FAM151B: variants seen among roughly 807,000 people sequenced by gnomAD.
FAM151B encodes the protein protein FAM151B.
A neutral mutation model predicts 31.2 loss-of-function variants in FAM151B; 24 were observed. The ratio of observed to expected loss-of-function variants is 0.77; its 90% confidence interval spans 0.56 to 1.08. The LOEUF (loss-of-function observed/expected upper bound fraction) is 1.08. Ranked by LOEUF, FAM151B falls within the 50% of genes least tolerant of loss-of-function variation. FAM151B has a pLI of 0.00. For synonymous variants in FAM151B, 105 were observed against 111.4 expected, an observed-to-expected ratio of 0.94 and a Z score of 0.36; for missense variants, 293 against 328.6, an observed-to-expected ratio of 0.89 and a Z score of 0.84.
intron 5 of FAM151B, among the ~76,000 whole-genome samples, chr5:80,535,301 A>G (rs1352131458): frequency 6.6e-6 from 1 of 152,218 alleles, no homozygotes; most frequent in Non-Finnish European, 1.5e-5. Context: ...AGTTGTCCTA[A>G]GCAAAATGAA....
intron 3 of FAM151B, among the ~76,000 whole-genome samples, chr5:80,518,037 A>T (rs973088683): frequency 1.3e-5 from 2 of 148,748 alleles, no homozygotes; most frequent in African/African-American, 5.0e-5. Flanking sequence ...GCACCGTTGC[A>T]CTCCAGCCTG....
intron 5 of FAM151B, 64 bp downstream of exon 5, chr5:80,522,202 G>T: frequency 2.0e-6 from 3 of 1,492,842 alleles, no homozygotes; most frequent in Non-Finnish European, 2.8e-6. Context: ...GAAAGGGCAT[G>T]AAAATTGATT....
intron 5 of FAM151B, among the ~76,000 whole-genome samples, chr5:80,525,034 T>C (rs1580445706): frequency 6.6e-6 from 1 of 152,160 alleles, no homozygotes; most frequent in East Asian, 1.9e-4. Context: ...GGAGAAGTAG[T>C]TTTGGTGTTT....
chr5:80,505,749 ATTTTT>A (rs386404255), intron 2 of FAM151B, among the ~76,000 whole-genome samples: 5 of 77,866 alleles, frequency 6.4e-5, no homozygotes, highest in South Asian at 5.4e-4. Context: ...TCCTATAAGA[ATTTTT>A]TTTTTTTTTT....
chr5:80,527,839 T>G (rs996910961), intron 5 of FAM151B, among the ~76,000 whole-genome samples: 38 of 152,300 alleles, frequency 2.5e-4, no homozygotes, highest in African/African-American at 8.7e-4. Flanking sequence ...TTAAAATTTC[T>G]TTTTCTTCAA....
chr5:80,497,825 G>A (rs1459018081), intron 1 of FAM151B, among the ~76,000 whole-genome samples: 1 of 151,386 alleles, frequency 6.6e-6, no homozygotes, highest in Non-Finnish European at 1.5e-5. Context: ...GATAGCATGA[G>A]GAGATATACC....
At chr5:80,501,653 T>G in intron 1 of FAM151B, 139 bp from the exon 2 acceptor site, 2 of 581,304 alleles carry the variant, frequency 3.4e-6, no homozygotes, top group South Asian at 6.0e-5. Flanking sequence ...AGTAACCTTT[T>G]TACTATCTAT....
chr5:80,537,941 C>T (rs187395441), intron 5 of FAM151B, among the ~76,000 whole-genome samples: 1 of 152,114 alleles, frequency 6.6e-6, no homozygotes, highest in Admixed American at 6.5e-5. Context: ...TGTGAAAAGG[C>T]TTTCTCTCAT....
At chr5:80,516,286 T>C (rs1019487297) in intron 3 of FAM151B, among the ~76,000 whole-genome samples, 1 of 152,158 alleles carries the variant, frequency 6.6e-6, no homozygotes, top group African/African-American at 2.4e-5. Flanking sequence ...ATCATGCCAT[T>C]GCACTCCAGC....
chr5:80,517,977 C>T (rs1744536923), intron 3 of FAM151B, among the ~76,000 whole-genome samples: 1 of 150,024 alleles, frequency 6.7e-6, no homozygotes, highest in Non-Finnish European at 1.5e-5. Flanking sequence ...GAGGCAGAGG[C>T]AGGAGAATGG....
intron 2 of FAM151B, among the ~76,000 whole-genome samples, chr5:80,503,881 A>G (rs1341397090): frequency 6.6e-6 from 1 of 152,052 alleles, no homozygotes; most frequent in African/African-American, 2.4e-5. Context: ...TGTCCCTGTT[A>G]TATGAGACTA....
chr5:80,514,966 A>G (rs1264971007), intron 3 of FAM151B, among the ~76,000 whole-genome samples: 5 of 152,122 alleles, frequency 3.3e-5, no homozygotes, highest in African/African-American at 9.7e-5. Context: ...TCGACCGGGC[A>G]CGGTGGCTCA....
intron 3 of FAM151B, among the ~76,000 whole-genome samples, chr5:80,514,160 C>T (rs1170068298): frequency 3.3e-5 from 5 of 152,018 alleles, no homozygotes; most frequent in Admixed American, 2.0e-4. Flanking sequence ...TCTCCAATAA[C>T]CAAAGTGTTT....
chr5:80,498,779 C>A, intron 1 of FAM151B: 1 of 536,936 alleles, frequency 1.9e-6, no homozygotes, highest in South Asian at 1.5e-5. Context: ...CACAAAGTCT[C>A]AACCCAAGAT....
At position 80,528,289 on chromosome 5, in the gene FAM151B, G is replaced by A. The variant is rs1489258445; in HGVS notation, c.671+6151G>A. On this transcript the variant is annotated intron_variant, in intron 5 of 5. Coordinates refer to ENST00000282226, the MANE Select transcript of FAM151B (RefSeq NM_205548.3). Reference sequence around the variant, plus strand: ...ACCTTCACTAAAAGGAAGAAAGGAAGGGGGAAAAAAAGAAGGAAGGCAAGA... The same window carrying A: ...ACCTTCACTAAAAGGAAGAAAGGAAAGGGGAAAAAAAGAAGGAAGGCAAGA... Among the ~76,000 whole-genome samples, 3 of 151,968 alleles carry A rather than the reference G, an allele frequency of 2.0e-5. No individual in the cohort carries two copies. In the East Asian group the frequency reaches 5.8e-4, roughly 29 times the overall value.
chr5:80,488,781 G>T (rs185046724), intron 1 of FAM151B, among the ~76,000 whole-genome samples: 1 of 152,236 alleles, frequency 6.6e-6, no homozygotes, highest in Non-Finnish European at 1.5e-5. Context: ...TCACCATTCT[G>T]ACTAGCAGGC....
chr5:80,492,953 T>TA (rs1491478035), intron 1 of FAM151B, among the ~76,000 whole-genome samples: 7 of 151,656 alleles, frequency 4.6e-5, no homozygotes, highest in South Asian at 2.1e-4. Flanking sequence ...GACTTGTCTC[T>TA]AAAAAAAACA....
rs1240782609 is a variant in FAM151B at position 80,490,020 on chromosome 5, AC to A, written c.25+1873del. Among the ~76,000 whole-genome samples, 17 of 3,896 alleles carry A rather than the reference AC, an allele frequency of 4.4e-3. 1 individual carries two copies. Among genetic ancestry groups the A allele is most frequent in the African/African-American group, 5.5e-3 (16 of 2,924 alleles). The allele number at this position is 3,896 out of a possible 152,430, so 2.6% of individuals were successfully genotyped here. Reference sequence around the variant, plus strand: ...CCGTTATATGTCATTTTTCCCCCTTACACACACACACACACACACACACACA... The same window carrying A: ...CCGTTATATGTCATTTTTCCCCCTTAACACACACACACACACACACACACA... On this transcript the variant is annotated intron_variant, in intron 1 of 5. Transcript: ENST00000282226.
chr5:80,522,357 C>G (rs1744759371), intron 5 of FAM151B: 3 of 410,786 alleles, frequency 7.3e-6, no homozygotes, highest in Non-Finnish European at 1.3e-5. Flanking sequence ...CTATTCCTCA[C>G]AAAAGTTTTT....
Sources: gnomAD v4.1 joint callset for allele counts (sites outside exome capture counted in the v4.1 genomes callset) on GRCh38, gnomAD v4.1.1 for gene constraint, MANE v1.5 for transcripts, NCBI Gene and HGNC (gene_info 2026-07-23, HGNC 2026-07-21) for gene names.